Variants in FOCAD observed in about 807,000 individuals in gnomAD.
The protein encoded by FOCAD is focadhesin.
Under a neutral mutation model 225.6 loss-of-function variants are expected in FOCAD, and 198 were observed. The observed-to-expected ratio is 0.88, with a 90% CI of 0.78 to 0.99. The LOEUF (loss-of-function observed/expected upper bound fraction) is 0.99. Ranked by LOEUF, FOCAD falls within the 50% of genes least tolerant of loss-of-function variation. The probability of loss-of-function intolerance (pLI) is 0.00; values close to 1 mark genes in which losing one functional copy is unlikely to be tolerated. For synonymous variants in FOCAD, 897 were observed against 755.0 expected (o/e 1.19, Z -3.08); for missense variants, 2,713 against 2,123.6 (o/e 1.28, Z -5.46).
At chr9:20,881,831 G>A in intron 19 of FOCAD, 40 bp from the exon 20 acceptor site, 1 of 1,585,108 alleles carries the variant, frequency 6.3e-7, no homozygotes, top group Non-Finnish European at 8.6e-7. Context: ...CTAGCTTATT[G>A]TATTTACTCT....
Position 20,981,691 on chromosome 9 carries a change from G to A in FOCAD, c.4638+5G>A, listed in dbSNP as rs1840714841. The A allele has an allele frequency of 1.3e-6, 2 of 1,597,970 alleles. No homozygotes were observed. Among genetic ancestry groups the A allele is most frequent in the South Asian group, 1.1e-5 (1 of 88,860 alleles). ...CTCCTGCCAAATAAGATTCGGGTGA[G>A]GAACAAAAATATTTACATTCCTGAC... On this transcript the variant is annotated splice_donor_5th_base_variant and intron_variant, in intron 38 of 43. Coordinates refer to ENST00000338382, the MANE Select transcript of FOCAD (RefSeq NM_001375567.1).
chr9:20,828,155 GAA>G (rs201634195), intron 15 of FOCAD, among the ~76,000 whole-genome samples: 3 of 96,200 alleles, frequency 3.1e-5, no homozygotes, highest in Admixed American at 1.1e-4. Flanking sequence ...TCTGTCTCAA[GAA>G]AAAAAAAAAA....
intron 11 of FOCAD, among the ~76,000 whole-genome samples, chr9:20,801,399 C>G (rs969522630): frequency 1.3e-5 from 2 of 152,124 alleles, no homozygotes; most frequent in African/African-American, 4.8e-5. Context: ...TAGGGCTGGT[C>G]TCGAAACCAT....
chr9:20,923,527 A>G, intron 24 of FOCAD, 133 bp from the exon 25 acceptor site: 1 of 618,800 alleles, frequency 1.6e-6, no homozygotes, highest in South Asian at 2.1e-5. Context: ...CACAACAAAC[A>G]GACCTGCATT....
intron 11 of FOCAD, among the ~76,000 whole-genome samples, chr9:20,791,677 C>T (rs1014037646): frequency 6.6e-6 from 1 of 152,138 alleles, no homozygotes; most frequent in Non-Finnish European, 1.5e-5. Flanking sequence ...ATTGGCCTTG[C>T]TTAGGTCATG....
chr9:20,952,110 C>T (rs1837737514), intron 34 of FOCAD, among the ~76,000 whole-genome samples: 1 of 152,080 alleles, frequency 6.6e-6, no homozygotes, highest in Admixed American at 6.6e-5. Flanking sequence ...CTGGGTAATA[C>T]TAGTTTTGAA....
At chr9:20,708,576 C>A (rs1049806934) in intron 1 of FOCAD, among the ~76,000 whole-genome samples, 1 of 151,776 alleles carries the variant, frequency 6.6e-6, no homozygotes, top group Non-Finnish European at 1.5e-5. Context: ...TTGAGACCAG[C>A]CCGAGGAACA....
chr9:20,882,527 G>A (rs748906311), intron 20 of FOCAD, among the ~76,000 whole-genome samples: 4 of 152,054 alleles, frequency 2.6e-5, no homozygotes, highest in Admixed American at 2.0e-4. Flanking sequence ...CTAGGAGAAT[G>A]GGCTTGAAAA....
chr9:20,990,490 TA>T (rs900234328), intron 42 of FOCAD, 116 bp downstream of exon 42: 3 of 1,270,150 alleles, frequency 2.4e-6, no homozygotes, highest in Non-Finnish European at 3.2e-6. Context: ...CAGACTTTCC[TA>T]CCCAGCCCCA....
At chr9:20,714,481 A>C (rs1825136858) in intron 1 of FOCAD, among the ~76,000 whole-genome samples, 1 of 152,096 alleles carries the variant, frequency 6.6e-6, no homozygotes, top group African/African-American at 2.4e-5. Flanking sequence ...CCTGTTTTTC[A>C]AAATAATGTA....
intron 21 of FOCAD, among the ~76,000 whole-genome samples, chr9:20,906,518 A>G (rs1052836670): frequency 1.3e-5 from 2 of 152,114 alleles, no homozygotes; most frequent in Non-Finnish European, 2.9e-5. Flanking sequence ...AGAAATGACT[A>G]TGAGAACCAG....
chr9:20,981,343 AAC>A, intron 37 of FOCAD, 81 bp from the exon 38 acceptor site: 2 of 1,473,420 alleles, frequency 1.4e-6, no homozygotes, highest in South Asian at 2.5e-5. Context: ...TCTACCCTCA[AAC>A]ACAGTGATGA....
At chr9:20,714,670 T>G (rs1174695455) in intron 1 of FOCAD, among the ~76,000 whole-genome samples, 12 of 148,454 alleles carry the variant, frequency 8.1e-5, no homozygotes, top group East Asian at 3.9e-4. Context: ...CTTCCTTCCT[T>G]CCTTCCTTCC....
intron 32 of FOCAD, among the ~76,000 whole-genome samples, chr9:20,949,130 A>G (rs1389090482): frequency 1.3e-5 from 2 of 152,150 alleles, no homozygotes; most frequent in African/African-American, 2.4e-5. Flanking sequence ...TCTTTATTTA[A>G]TTTGGTTTTT....
chr9:20,962,329 C>G (rs1838815170), intron 35 of FOCAD, among the ~76,000 whole-genome samples: 1 of 151,924 alleles, frequency 6.6e-6, no homozygotes, highest in African/African-American at 2.4e-5. Flanking sequence ...ATCGTAAATA[C>G]TTAGAACAGA....
chr9:20,919,153 A>T (rs1215207433), intron 24 of FOCAD, among the ~76,000 whole-genome samples: 1 of 152,240 alleles, frequency 6.6e-6, no homozygotes, highest in African/African-American at 2.4e-5. Flanking sequence ...AATCGCAAGC[A>T]TTCTTATACA....
intron 11 of FOCAD, among the ~76,000 whole-genome samples, chr9:20,790,830 C>A (rs562160792): frequency 6.6e-6 from 1 of 152,240 alleles, no homozygotes; most frequent in South Asian, 2.1e-4. Context: ...TTTTTAACCT[C>A]AAATTGTCAT....
intron 5 of FOCAD, among the ~76,000 whole-genome samples, chr9:20,747,985 A>T (rs748402038): frequency 1.3e-5 from 2 of 151,894 alleles, no homozygotes; most frequent in African/African-American, 4.8e-5. Flanking sequence ...CTCATCCTCT[A>T]ACTCTTAAAA....
At chr9:20,691,134 G>A (rs575620022) in intron 1 of FOCAD, among the ~76,000 whole-genome samples, 2 of 152,118 alleles carry the variant, frequency 1.3e-5, no homozygotes, top group South Asian at 2.1e-4. Flanking sequence ...GTAGAGATGG[G>A]GTTTCACCAC....
Sources: gnomAD v4.1 joint callset for allele counts (sites outside exome capture counted in the v4.1 genomes callset) on GRCh38, gnomAD v4.1.1 for gene constraint, MANE v1.5 for transcripts, NCBI Gene and HGNC (gene_info 2026-07-23, HGNC 2026-07-21) for gene names.